CTNND2: variants seen among roughly 807,000 people sequenced by gnomAD.
The protein encoded by CTNND2 is catenin delta-2.
Under a neutral mutation model 144.4 loss-of-function variants are expected in CTNND2, and 22 were observed. That is an observed-to-expected ratio of 0.15 (90% CI 0.11 to 0.22). CTNND2 has a LOEUF of 0.22. Among genes scored for constraint, CTNND2 ranks in the 10% least tolerant of loss-of-function variants. CTNND2 has a pLI of 1.00. For missense variants in CTNND2, 1,353 were observed against 1,618.8 expected (o/e 0.84, Z 2.82); for synonymous variants, 751 against 695.6 (o/e 1.08, Z -1.25).
At chr5:11,043,104 A>G (rs1241562273) in intron 16 of CTNND2, among the ~76,000 whole-genome samples, 1 of 150,122 alleles carries the variant, frequency 6.7e-6, no homozygotes, top group East Asian at 1.9e-4. Flanking sequence ...TTTTTTTAGG[A>G]TAAAGGAATT....
At chr5:11,519,483 T>G (rs1772517728) in intron 3 of CTNND2, among the ~76,000 whole-genome samples, 1 of 148,262 alleles carries the variant, frequency 6.7e-6, no homozygotes, top group South Asian at 2.1e-4. Context: ...GGCTCTATGG[T>G]TTACTTTTCA....
rs33995105 is a variant in CTNND2, at chr5:11,492,505, A to ATGTG, written c.287+72435_287+72438dup. ...TCTTTCTACAGCTATATATATATAT[A>ATGTG]TGTGTGTGTGTGTGTGTGTGTGTGT... On this transcript the variant is annotated intron_variant, in intron 3 of 21. Transcript: ENST00000304623. 1.8e-3 allele frequency among the ~76,000 whole-genome samples: 248 copies of ATGTG among 140,432 alleles called. 1 individual carries two copies. The highest frequency in any genetic ancestry group is 7.9e-3 in the South Asian group (35 of 4,414). 92.1% of individuals were successfully genotyped at this position (140,432 alleles called of 152,430 possible).
chr5:11,807,931 C>A (rs941749629), intron 1 of CTNND2, among the ~76,000 whole-genome samples: 4 of 151,942 alleles, frequency 2.6e-5, no homozygotes, highest in African/African-American at 4.8e-5. Context: ...TGATTCTCAC[C>A]CTCATATTGT....
intron 2 of CTNND2, among the ~76,000 whole-genome samples, chr5:11,720,967 TA>T (rs1786642223): frequency 6.6e-6 from 1 of 152,190 alleles, no homozygotes; most frequent in African/African-American, 2.4e-5. Context: ...CTTAGGTTTT[TA>T]TTACCCAAGG....
intron 11 of CTNND2, among the ~76,000 whole-genome samples, chr5:11,170,910 G>A (rs1017778473): frequency 2.0e-5 from 3 of 152,176 alleles, no homozygotes; most frequent in African/African-American, 7.2e-5. Context: ...TGGCAGGCAA[G>A]AGAATCACGT....
Position 11,431,654 on chromosome 5 carries a change from T to C in CTNND2, c.288-19585A>G, listed in dbSNP as rs978357020. On this transcript the variant is annotated intron_variant, in intron 3 of 21. Coordinates refer to ENST00000304623, the MANE Select transcript of CTNND2 (RefSeq NM_001332.4). ...TAGCCAGGTGGAGAGAGGGGCCACA[T>C]AGAGAAGCACTGAGGTGACAGACGT... 1.3e-4 allele frequency among the ~76,000 whole-genome samples: 20 copies of C among 152,124 alleles called. 1 individual carries two copies. The highest frequency in any genetic ancestry group is 4.8e-4 in the African/African-American group (20 of 41,418).
At chr5:11,544,236 G>A (rs1486592217) in intron 3 of CTNND2, among the ~76,000 whole-genome samples, 3 of 150,902 alleles carry the variant, frequency 2.0e-5, no homozygotes, top group Admixed American at 6.6e-5. Context: ...GTGCAGTGGC[G>A]TGATCTCCAC....
chr5:11,548,865 A>T (rs1775501483), intron 3 of CTNND2, among the ~76,000 whole-genome samples: 1 of 151,732 alleles, frequency 6.6e-6, no homozygotes, highest in African/African-American at 2.4e-5. Context: ...ATTTGTTCTG[A>T]CTCCAAGATC....
At chr5:11,593,522 G>A (rs1035528102) in intron 2 of CTNND2, among the ~76,000 whole-genome samples, 1 of 152,184 alleles carries the variant, frequency 6.6e-6, no homozygotes, top group East Asian at 1.9e-4. Context: ...TAATTCCCAG[G>A]TGTCATGGGA....
rs971560591 is a variant in CTNND2, at chr5:10,988,506, C to A, written c.3212-264G>T. On this transcript the variant is annotated intron_variant, in intron 19 of 21. Coordinates refer to ENST00000304623, the MANE Select transcript of CTNND2 (RefSeq NM_001332.4). This position sits in a 1 kb window ranked among gnomAD's most constrained non-coding sequence, Gnocchi z 5.9. The stretch of plus-strand genomic sequence containing the variant: ...ACTGGGGACCACATCCTGGGGCCAT[C>A]TTCCTCAGAGAGAGATCATGGAGGG... Among the ~76,000 whole-genome samples the A allele has an allele frequency of 2.6e-5, 4 of 152,168 alleles. No homozygotes were observed. Among genetic ancestry groups the A allele is most frequent in the Non-Finnish European group, 5.9e-5 (4 of 68,038 alleles).
chr5:11,061,521 A>G lies in CTNND2; in HGVS notation c.2788+21175T>C, dbSNP rs113199320. On this transcript the variant is annotated intron_variant, in intron 16 of 21. Transcript: ENST00000304623. ...TGCCACCTGCGAACCTCTCTCCTGCACCAGGGGTTTTGCTCTTGCTGCTCC... is the reference window on the plus strand; with the variant it reads ...TGCCACCTGCGAACCTCTCTCCTGCGCCAGGGGTTTTGCTCTTGCTGCTCC... Among the ~76,000 whole-genome samples, 194 of 152,244 alleles carry G rather than the reference A, an allele frequency of 1.3e-3. 3 individuals carry two copies. Among genetic ancestry groups the G allele is most frequent in the African/African-American group, 3.5e-3 (147 of 41,534 alleles).
intron 14 of CTNND2, among the ~76,000 whole-genome samples, 185 bp downstream of exon 14, chr5:11,110,673 G>C (rs1380619349): frequency 6.6e-6 from 1 of 152,066 alleles, no homozygotes. Context: ...ACTGCGAGAC[G>C]TGAGGGAAAT....
intron 1 of CTNND2, among the ~76,000 whole-genome samples, chr5:11,863,930 G>A (rs1795619109): frequency 6.6e-6 from 1 of 152,164 alleles, no homozygotes; most frequent in African/African-American, 2.4e-5. Context: ...AGGACTAAGA[G>A]CTCCTGATGT....
intron 1 of CTNND2, among the ~76,000 whole-genome samples, chr5:11,805,288 A>G (rs1444951993): frequency 6.6e-6 from 1 of 152,162 alleles, no homozygotes; most frequent in Non-Finnish European, 1.5e-5. Context: ...TTCATAGGTA[A>G]TGTATATACT....
chr5:11,128,965 A>AATATATAATTATATATT (rs1755089407), intron 12 of CTNND2, among the ~76,000 whole-genome samples: 1 of 28,414 alleles, frequency 3.5e-5, no homozygotes, highest in Non-Finnish European at 8.2e-5. Flanking sequence ...AAATATATAT[A>AATATATAATTATATATT]ATATATAATA....
At chr5:11,867,299 C>A (rs1258582077) in intron 1 of CTNND2, among the ~76,000 whole-genome samples, 1 of 152,140 alleles carries the variant, frequency 6.6e-6, no homozygotes, top group African/African-American at 2.4e-5. Context: ...AGAGAAAAGT[C>A]CAATAATTAT....
At chr5:11,709,384 T>C (rs1785899107) in intron 2 of CTNND2, among the ~76,000 whole-genome samples, 1 of 152,204 alleles carries the variant, frequency 6.6e-6, no homozygotes, top group African/African-American at 2.4e-5. Flanking sequence ...TCTTATTCAA[T>C]GACCACTGAC....
At chr5:11,092,087 C>T (rs568121028) in intron 15 of CTNND2, among the ~76,000 whole-genome samples, 3 of 152,278 alleles carry the variant, frequency 2.0e-5, no homozygotes, top group African/African-American at 7.2e-5. Flanking sequence ...AACTCTCTCT[C>T]AAGGTGGTGA....
chr5:11,682,468 G>A (rs574399524), intron 2 of CTNND2, among the ~76,000 whole-genome samples: 15 of 152,300 alleles, frequency 9.8e-5, no homozygotes, highest in African/African-American at 3.6e-4. Flanking sequence ...TTTGGTCAGC[G>A]AATGTGTTCT....
Sources: gnomAD v4.1 joint callset for allele counts (sites outside exome capture counted in the v4.1 genomes callset) on GRCh38, gnomAD v4.1.1 for gene constraint, Gnocchi (gnomAD v3.1) non-coding constraint, MANE v1.5 for transcripts, NCBI Gene and HGNC (gene_info 2026-07-23, HGNC 2026-07-21) for gene names.